The following PCDHGB1 variants were observed in gnomAD, a reference collection of about 807,000 sequenced individuals.
PCDHGB1 encodes protocadherin gamma subfamily B, 1.
Under a neutral mutation model 56.6 loss-of-function variants are expected in PCDHGB1, and 34 were observed. The ratio of observed to expected loss-of-function variants is 0.60; its 90% CI spans 0.46 to 0.80. The LOEUF (loss-of-function observed/expected upper bound fraction) is 0.80, where lower values mean the gene tolerates loss of function less well. Among genes scored for constraint, PCDHGB1 ranks in the 30% least tolerant of loss-of-function variants. The pLI is 0.00. For missense variants in PCDHGB1, 1,278 were observed against 1,204.6 expected, an observed-to-expected ratio of 1.06 and a Z score of -0.90; for synonymous variants, 561 against 505.9, an observed-to-expected ratio of 1.11 and a Z score of -1.46.
At chr5:141,360,004 C>T in intron 1 of PCDHGB1, 1 of 1,185,444 alleles carries the variant, frequency 8.4e-7, no homozygotes, top group South Asian at 1.9e-5. Context: ...CTGCACAAAC[C>T]AACCACACAG....
chr5:141,398,964 T>C lies in PCDHGB1; in HGVS notation c.2409+46295T>C, dbSNP rs768223911. 1.5e-5 allele frequency: 25 copies of C among 1,613,826 alleles called. No homozygotes were observed. In the South Asian group the frequency reaches 2.4e-4, roughly 16 times the overall value. On this transcript the variant is annotated intron_variant, in intron 1 of 3. Coordinates refer to ENST00000523390, the MANE Select transcript of PCDHGB1 (RefSeq NM_018922.3). ...AGGGCATCAACTCAGAAATTACTTA[T>C]TCCTTCTACAGAACCGGGCAAATCT...
intron 1 of PCDHGB1, among the ~76,000 whole-genome samples, chr5:141,464,397 C>T (rs1352852782): frequency 1.3e-5 from 2 of 150,158 alleles, no homozygotes; most frequent in Non-Finnish European, 3.0e-5. Context: ...TAATGAAGAA[C>T]CTGAGATATA....
intron 1 of PCDHGB1, chr5:141,484,976 G>T: frequency 1.7e-6 from 1 of 592,920 alleles, no homozygotes; most frequent in South Asian, 2.1e-5. Flanking sequence ...GCCGCTGTCT[G>T]CCAATCGGGT....
chr5:141,383,435 C>T (rs749433529), intron 1 of PCDHGB1: 1 of 1,613,988 alleles, frequency 6.2e-7, no homozygotes, highest in Non-Finnish European at 8.5e-7. Context: ...CGCCACTTCT[C>T]CCTGGCTGTG....
Position 141,350,809 on chromosome 5 carries a change from T to C in PCDHGB1, c.549T>C (p.Pro183=), listed in dbSNP as rs1758566818. The C allele has an allele frequency of 5.0e-6, 8 of 1,613,916 alleles. No homozygotes were observed. The highest frequency in any genetic ancestry group is 1.6e-4 in the Middle Eastern group (1 of 6,084). Residue 183 remains proline (P), a synonymous_variant, in exon 1 of 4, where the codon CCT becomes CCC. Coordinates refer to ENST00000523390, the MANE Select transcript of PCDHGB1 (RefSeq NM_018922.3). ...QYFSLSTKES[P]DGSKYPVLLL... ...TCTCTCTGTCAACGAAGGAAAGTCC[T>C]GATGGAAGTAAATATCCGGTATTAC... is the stretch of plus-strand genomic sequence containing the variant.
chr5:141,497,544 T>C (rs1410779650), intron 2 of PCDHGB1, among the ~76,000 whole-genome samples: 4 of 150,796 alleles, frequency 2.7e-5, no homozygotes, highest in African/African-American at 9.8e-5. Flanking sequence ...ACAAACCTTT[T>C]TTTTTTTTTT....
chr5:141,415,105 C>T (rs1472993181), intron 1 of PCDHGB1: 1 of 1,613,652 alleles, frequency 6.2e-7, no homozygotes, highest in African/African-American at 1.3e-5. Flanking sequence ...CGCGCTCAAG[C>T]AAAGCCTCGT....
chr5:141,350,887 G>C lies in PCDHGB1; in HGVS notation c.627G>C (p.Leu209=). The change falls in exon 1 of 4, where the codon CTG becomes CTC. Residue 209 remains leucine, a synonymous_variant. Transcript: ENST00000523390. ...REHQSSHRLI[L]TAMDGGDPPL... ...ATCAGAGCTCTCATCGCTTAATCCT[G>C]ACTGCCATGGATGGCGGGGACCCGC... 6.2e-7 allele frequency: 1 copy of C among 1,614,044 alleles called. No homozygotes were observed. Among genetic ancestry groups the C allele is most frequent in the Non-Finnish European group, 8.5e-7 (1 of 1,179,906 alleles).
intron 2 of PCDHGB1, among the ~76,000 whole-genome samples, chr5:141,503,700 C>G (rs2099828974): frequency 6.6e-6 from 1 of 152,016 alleles, no homozygotes; most frequent in Non-Finnish European, 1.5e-5. Flanking sequence ...GAGATTCCTG[C>G]TTTCCCCTTC....
intron 1 of PCDHGB1, chr5:141,433,179 T>C (rs760574214): frequency 1.2e-5 from 20 of 1,608,614 alleles, no homozygotes; most frequent in Admixed American, 1.7e-5. Flanking sequence ...CATGGGTTAA[T>C]TGAGGTGAGT....
At chr5:141,439,780 T>G (rs1023743000) in intron 1 of PCDHGB1, 1 of 152,228 alleles carries the variant, frequency 6.6e-6, no homozygotes, top group African/African-American at 2.4e-5. Context: ...TGGCTGGAGA[T>G]TCTATAATCC....
chr5:141,371,033 A>G, intron 1 of PCDHGB1: 2 of 1,614,008 alleles, frequency 1.2e-6, no homozygotes, highest in Non-Finnish European at 1.7e-6. Context: ...TGGTCCTCAC[A>G]GCTGTGGATG....
intron 1 of PCDHGB1, among the ~76,000 whole-genome samples, chr5:141,449,543 C>T (rs377524476): frequency 2.7e-5 from 4 of 147,148 alleles, no homozygotes; most frequent in Non-Finnish European, 4.5e-5. Context: ...GAGCCGAGAT[C>T]GCACCACTGC....
chr5:141,476,142 G>T lies in PCDHGB1; in HGVS notation c.2410-18665G>T. 6.2e-7 allele frequency: 1 copy of T among 1,610,446 alleles called. No individual in the cohort carries two copies. Among genetic ancestry groups the T allele is most frequent in the South Asian group, 1.1e-5 (1 of 90,868 alleles). On this transcript the variant is annotated intron_variant, in intron 1 of 3. Coordinates refer to ENST00000523390, the MANE Select transcript of PCDHGB1 (RefSeq NM_018922.3). The surrounding 1 kb of genome is among the most constrained non-coding windows in gnomAD (Gnocchi z 7.6). Reference sequence around the variant, plus strand: ...ATGGTCCCAGAGGCCTGGAGGAGCGGACTGGTAAGCACCGGGAGGGTAGTG... The same window carrying T: ...ATGGTCCCAGAGGCCTGGAGGAGCGTACTGGTAAGCACCGGGAGGGTAGTG...
chr5:141,389,726 C>G (rs150721796), intron 1 of PCDHGB1: 2 of 1,612,720 alleles, frequency 1.2e-6, no homozygotes, highest in Non-Finnish European at 1.7e-6. Flanking sequence ...AGCCCGGGCT[C>G]TTCAGCCTGG....
rs1261429657 is a variant in PCDHGB1 at position 141,350,651 on chromosome 5, G to A, written c.391G>A (p.Val131Ile). ...QDINDNAPRF[V>I]AKGIDLEICE... ...TATTAATGACAATGCACCACGTTTC[G>A]TTGCAAAAGGCATTGACTTAGAAAT... The change falls in exon 1 of 4, where the codon GTT becomes ATT. Residue 131 changes from valine to isoleucine, a missense_variant. Physicochemically the swap from Val to Ile is conservative, Grantham distance 29. Transcript: ENST00000523390. 4 of 1,613,914 alleles carry A rather than the reference G, an allele frequency of 2.5e-6. No homozygotes were observed. Among genetic ancestry groups the A allele is most frequent in the East Asian group, 4.5e-5 (2 of 44,898 alleles).
At chr5:141,375,035 G>A (rs541605714) in intron 1 of PCDHGB1, 1 of 1,614,008 alleles carries the variant, frequency 6.2e-7, no homozygotes, top group East Asian at 2.2e-5. Flanking sequence ...TTATGAGCTG[G>A]GTGTTGAAGC....
In PCDHGB1 at chr5:141,476,255, G is replaced by A. The variant is rs767691159; in HGVS notation, c.2410-18552G>A. 6.2e-7 allele frequency: 1 copy of A among 1,614,090 alleles called. No individual in the cohort carries two copies. Among genetic ancestry groups the A allele is most frequent in the Admixed American group, 1.7e-5 (1 of 60,022 alleles). ...GGAGGAAAGAGAGAAGGGTTTCGCT[G>A]TGGGCAACGTGGTCGCGAACCTTGG... On this transcript the variant is annotated intron_variant, in intron 1 of 3. Transcript: ENST00000523390. The surrounding 1 kb of genome is among the most constrained non-coding windows in gnomAD (Gnocchi z 7.6).
rs779390477 is a variant in PCDHGB1 at position 141,419,000 on chromosome 5, G to A, written c.2409+66331G>A. ...GGACCAAGACTCAGGGGAAAATGGG[G>A]AAGTCAGGTGTAGCTTAAGTAGAGG... On this transcript the variant is annotated intron_variant, in intron 1 of 3. Transcript: ENST00000523390. 3.1e-6 allele frequency: 5 copies of A among 1,613,962 alleles called. 1 individual carries two copies. In the South Asian group the frequency reaches 4.4e-5, roughly 14 times the overall value.
Sources: gnomAD v4.1 joint callset for allele counts (sites outside exome capture counted in the v4.1 genomes callset) on GRCh38, gnomAD v4.1.1 for gene constraint, Gnocchi (gnomAD v3.1) non-coding constraint, MANE v1.5 for transcripts, NCBI Gene and HGNC (gene_info 2026-07-23, HGNC 2026-07-21) for gene names.